The following FAM135A variants were observed in gnomAD, a reference collection of about 807,000 sequenced individuals.
FAM135A encodes protein FAM135A.
Under a neutral mutation model 146.8 loss-of-function variants are expected in FAM135A, and 79 were observed. That is an observed-to-expected ratio of 0.54 (90% CI 0.45 to 0.65). The LOEUF is 0.65. Among genes scored for constraint, FAM135A ranks in the 30% least tolerant of loss-of-function variants. The probability of loss-of-function intolerance (pLI) is 0.00; values close to 1 mark genes in which losing one functional copy is unlikely to be tolerated. For missense variants in FAM135A, 1,623 were observed against 1,758.2 expected, an observed-to-expected ratio of 0.92 and a Z score of 1.38; for synonymous variants, 562 against 603.6, an observed-to-expected ratio of 0.93 and a Z score of 1.01.
chr6:70,414,756 T>A (rs555610249), intron 1 of FAM135A, among the ~76,000 whole-genome samples: 1 of 152,334 alleles, frequency 6.6e-6, no homozygotes, highest in East Asian at 1.9e-4. Flanking sequence ...TTACACTTAC[T>A]GATTAAAGCT....
chr6:70,528,549 A>AT (rs201549479), intron 16 of FAM135A, 97 bp downstream of exon 16: 1 of 1,083,022 alleles, frequency 9.2e-7, no homozygotes, highest in Non-Finnish European at 1.2e-6. Context: ...CTAAAAAAAG[A>AT]TTTTTTAATT....
At chr6:70,502,518 A>G in intron 11 of FAM135A, 118 bp from the exon 12 acceptor site, 1 of 988,938 alleles carries the variant, frequency 1.0e-6, no homozygotes, top group Non-Finnish European at 1.5e-6. Context: ...ATACAAATGC[A>G]CATCTCTTTT....
At position 70,478,159 on chromosome 6, in the gene FAM135A, A is replaced by G. The variant is rs192450063; in HGVS notation, c.542+827A>G. ...TTTTTACTCAACCTTTTAAAACTAT[A>G]TCATGTACCATTAGTTCAAAGGTAT... On this transcript the variant is annotated intron_variant, in intron 8 of 21. Coordinates refer to ENST00000418814, the MANE Select transcript of FAM135A (RefSeq NM_001162529.3). 9.9e-3 allele frequency among the ~76,000 whole-genome samples: 1,501 copies of G among 152,298 alleles called. 9 individuals carry two copies. Among genetic ancestry groups the G allele is most frequent in the Non-Finnish European group, 0.017 (1,124 of 68,010 alleles).
rs67408160 is a variant in FAM135A at position 70,464,833 on chromosome 6, A to ATTTTTTTTTT, written c.158-10557_158-10548dup. Among the ~76,000 whole-genome samples, 3 of 64,322 alleles carry ATTTTTTTTTT rather than the reference A, an allele frequency of 4.7e-5. 1 individual carries two copies. The highest frequency in any genetic ancestry group is 2.1e-4 in the African/African-American group (3 of 14,014). The allele number at this position is 64,322 out of a possible 152,430, so 42.2% of individuals were successfully genotyped here. ...AGGCATGCACCACCACGCCTGGCCA[A>ATTTTTTTTTT]TTTTTTTTTTTTTTTTTTTTTTTTT... On this transcript the variant is annotated intron_variant, in intron 5 of 21. Coordinates refer to ENST00000418814, the MANE Select transcript of FAM135A (RefSeq NM_001162529.3).
intron 18 of FAM135A, among the ~76,000 whole-genome samples, chr6:70,534,228 GCT>G (rs1055660873): frequency 2.0e-5 from 3 of 151,018 alleles, no homozygotes; most frequent in Non-Finnish European, 2.9e-5. Flanking sequence ...AGAAGTATAG[GCT>G]CTGTGAGTTA....
Position 70,560,157 on chromosome 6 carries a change from T to A in FAM135A, c.*236T>A, listed in dbSNP as rs1801666406. 1 of 398,628 alleles carries A rather than the reference T, an allele frequency of 2.5e-6. No homozygotes were observed. Among genetic ancestry groups the A allele is most frequent in the Non-Finnish European group, 4.5e-6 (1 of 222,128 alleles). The allele number at this position is 398,628 out of a possible 1,614,324, so 24.7% of individuals were successfully genotyped here. On this transcript the variant is annotated 3_prime_UTR_variant, in exon 22 of 22. Transcript: ENST00000418814. Reference sequence around the variant, plus strand: ...TTTTTACTTTTCTATTACTTTTTCATATATTTTGCTACCTAAGTATTTCAG... The same window carrying A: ...TTTTTACTTTTCTATTACTTTTTCAAATATTTTGCTACCTAAGTATTTCAG...
intron 11 of FAM135A, among the ~76,000 whole-genome samples, chr6:70,500,916 C>T (rs920496745): frequency 5.3e-5 from 8 of 152,178 alleles, no homozygotes; most frequent in African/African-American, 4.8e-5. Context: ...AGTTGTCTGT[C>T]GACCCCTGTT....
intron 8 of FAM135A, among the ~76,000 whole-genome samples, chr6:70,478,295 G>A (rs566027258): frequency 6.6e-6 from 1 of 152,222 alleles, no homozygotes; most frequent in South Asian, 2.1e-4. Flanking sequence ...AAGGTCTTCA[G>A]TTTTTACAAC....
At chr6:70,491,728 G>C (rs187202365) in intron 11 of FAM135A, among the ~76,000 whole-genome samples, 2 of 151,950 alleles carry the variant, frequency 1.3e-5, no homozygotes, top group African/African-American at 4.8e-5. Flanking sequence ...GGATACATCA[G>C]TTTTGTATAC....
intron 16 of FAM135A, among the ~76,000 whole-genome samples, chr6:70,531,971 C>T (rs1451072281): frequency 6.7e-6 from 1 of 149,994 alleles, no homozygotes. Context: ...CAAGCTCCAC[C>T]TCCCAGGTTC....
chr6:70,426,863 G>C (rs1045210626), intron 3 of FAM135A: 1 of 152,188 alleles, frequency 6.6e-6, no homozygotes, highest in Admixed American at 6.5e-5. Context: ...CTGGAGGGAG[G>C]CTTTATCTGT....
chr6:70,536,270 C>T lies in FAM135A; in HGVS notation c.3976C>T (p.His1326Tyr), dbSNP rs1366387821. ...LTVSKISFIG[H>Y]SLGNLIIRSV... ...TTTTTCCTCTTAAAGCTTTATTGGA[C>T]ATTCGTTGGGCAATTTAATAATTCG... Residue 1326 changes from histidine (H) to tyrosine (Y), a missense_variant, in exon 19 of 22, where the codon CAT becomes TAT. Physicochemically the swap from His to Tyr is moderately conservative, Grantham distance 83. This residue lies in a region of FAM135A where 1,061 missense variants were observed against 1,113.8 expected (regional missense o/e 0.95). Coordinates refer to ENST00000418814, the MANE Select transcript of FAM135A (RefSeq NM_001162529.3). 1 of 1,604,104 alleles carries T rather than the reference C, an allele frequency of 6.2e-7. No homozygotes were observed. The highest frequency in any genetic ancestry group is 8.5e-7 in the Non-Finnish European group (1 of 1,177,168).
chr6:70,525,242 G>A lies in FAM135A; in HGVS notation c.2158G>A (p.Ala720Thr), dbSNP rs779994105. The change falls in exon 15 of 22, where the codon GCA becomes ACA. Residue 720 changes from alanine to threonine, a missense_variant. Around this residue, in one of 7 missense-constraint regions of FAM135A, gnomAD observed 1,061 missense variants for 1,113.8 expected, o/e 0.95. Coordinates refer to ENST00000418814, the MANE Select transcript of FAM135A (RefSeq NM_001162529.3). ...ITFEKEALQEAKCLSIGESLT... is the reference protein window; with the variant it reads ...ITFEKEALQETKCLSIGESLT... ...ATTTGAAAAGGAAGCTTTGCAAGAAGCAAAGTGTCTTTCTATTGGAGAATC... is the reference window on the plus strand; with the variant it reads ...ATTTGAAAAGGAAGCTTTGCAAGAAACAAAGTGTCTTTCTATTGGAGAATC... The A allele has an allele frequency of 2.5e-6, 4 of 1,600,198 alleles. No homozygotes were observed. The highest frequency in any genetic ancestry group is 2.2e-5 in the East Asian group (1 of 44,784).
intron 11 of FAM135A, among the ~76,000 whole-genome samples, chr6:70,491,561 A>G (rs988976275): frequency 2.6e-5 from 4 of 151,924 alleles, no homozygotes; most frequent in African/African-American, 7.2e-5. Context: ...ATGTTTCACT[A>G]TGCATTCACT....
At chr6:70,556,691 A>G (rs1800906191) in intron 20 of FAM135A, 59 bp from the exon 21 acceptor site, 2 of 1,174,026 alleles carry the variant, frequency 1.7e-6, no homozygotes, top group Non-Finnish European at 2.4e-6. Context: ...TATGATACTA[A>G]TAACTTGTTT....
chr6:70,456,386 T>TTA (rs1778378158), intron 5 of FAM135A, among the ~76,000 whole-genome samples: 1 of 152,218 alleles, frequency 6.6e-6, no homozygotes, highest in Admixed American at 6.5e-5. Flanking sequence ...AGTTAATCAT[T>TTA]AATCATTTAG....
intron 12 of FAM135A, 31 bp downstream of exon 12, chr6:70,502,822 T>G: frequency 6.3e-7 from 1 of 1,591,646 alleles, no homozygotes; most frequent in South Asian, 1.2e-5. Context: ...TTTAGAGCAT[T>G]TTAATGAGTA....
At chr6:70,520,077 C>G (rs1793220108) in intron 12 of FAM135A, among the ~76,000 whole-genome samples, 1 of 150,116 alleles carries the variant, frequency 6.7e-6, no homozygotes, top group Non-Finnish European at 1.5e-5. Flanking sequence ...GAATTCTAGG[C>G]TTTTTTTTTA....
intron 4 of FAM135A, among the ~76,000 whole-genome samples, chr6:70,451,691 C>T (rs181347655): frequency 6.6e-6 from 1 of 152,010 alleles, no homozygotes; most frequent in Non-Finnish European, 1.5e-5. Context: ...GCCTTATTTG[C>T]AAATTTAATA....
Sources: gnomAD v4.1 joint callset for allele counts (sites outside exome capture counted in the v4.1 genomes callset) on GRCh38, gnomAD v4.1.1 for gene constraint, gnomAD v4.1.1 regional missense constraint, MANE v1.5 for transcripts, NCBI Gene and HGNC (gene_info 2026-07-23, HGNC 2026-07-21) for gene names.